IRAG2: variants seen among roughly 807,000 people sequenced by gnomAD.
IRAG2 encodes the protein lymphoid restricted membrane protein.
In IRAG2, 45 loss-of-function variants were observed where a neutral mutation model predicts 69.9. The observed-to-expected ratio is 0.64, with a 90% CI of 0.51 to 0.83. The LOEUF is 0.83. Ranked by LOEUF, IRAG2 falls within the 40% of genes least tolerant of loss-of-function variation. IRAG2 has a pLI of 0.00. For missense variants in IRAG2, 520 were observed against 587.0 expected, an observed-to-expected ratio of 0.89 and a Z score of 1.18; for synonymous variants, 193 against 202.4, an observed-to-expected ratio of 0.95 and a Z score of 0.40.
At chr12:25,073,616 A>ATGTTAATGT (rs1441138813) in intron 6 of IRAG2, among the ~76,000 whole-genome samples, 1 of 152,246 alleles carries the variant, frequency 6.6e-6, no homozygotes, top group Non-Finnish European at 1.5e-5. Flanking sequence ...AAGAACGCTA[A>ATGTTAATGT]CAAGGTTAAT....
At position 25,058,053 on chromosome 12, in the gene IRAG2, A is replaced by G. The variant is rs139061424; in HGVS notation, c.-446-3539A>G. Among the ~76,000 whole-genome samples, 88 of 152,330 alleles carry G rather than the reference A, an allele frequency of 5.8e-4. No homozygotes were observed. In the East Asian group the frequency reaches 9.0e-3, roughly 16 times the overall value. On this transcript the variant is annotated intron_variant, in intron 1 of 21. Transcript: ENST00000556887. ...GTTACGACGGACAAAGCTGCTATGA[A>G]CGTCTGTGTACAAGTCTTTGTGTGC...
chr12:25,057,512 G>C (rs1181917524), intron 1 of IRAG2, among the ~76,000 whole-genome samples: 2 of 152,040 alleles, frequency 1.3e-5, no homozygotes, highest in African/African-American at 4.8e-5. Flanking sequence ...TCCTGCCTCA[G>C]CCTCCCAAAG....
At chr12:25,074,415 C>T (rs11047813) in intron 6 of IRAG2, among the ~76,000 whole-genome samples, 37,426 of 152,024 alleles carry the variant, frequency 0.25, 5,087 homozygotes, top group Middle Eastern at 0.31. Flanking sequence ...CAGGCCTCAC[C>T]GACTAGTGGC....
At chr12:25,076,509 C>CT (rs1565561401) in intron 6 of IRAG2, 3 of 984,804 alleles carry the variant, frequency 3.0e-6, no homozygotes. Context: ...CTAATTAGAC[C>CT]TTTTTTTGAA....
intron 10 of IRAG2, chr12:25,032,019 C>T (rs1311029626): frequency 2.5e-6 from 1 of 394,734 alleles, no homozygotes. Context: ...AATAGTGAGA[C>T]TGGTAGAATC....
At chr12:25,090,306 C>A in intron 14 of IRAG2, 109 bp downstream of exon 14, 1 of 1,003,738 alleles carries the variant, frequency 1.0e-6, no homozygotes, top group South Asian at 1.6e-5. Context: ...TCATGGGAGA[C>A]CAAGGCAGGA....
At chr12:25,104,736 A>G (rs183441643) in intron 20 of IRAG2, among the ~76,000 whole-genome samples, 6 of 152,270 alleles carry the variant, frequency 3.9e-5, no homozygotes, top group African/African-American at 1.4e-4. Flanking sequence ...TTTCCTGTCC[A>G]GGTGTCTGTC....
chr12:25,102,466 T>C, intron 17 of IRAG2: 1 of 512,652 alleles, frequency 2.0e-6, no homozygotes, highest in Non-Finnish European at 3.5e-6. Flanking sequence ...GGTTTCTCTC[T>C]GTTGTGTAAA....
chr12:25,016,973 A>G (rs1320277923), intron 5 of IRAG2, among the ~76,000 whole-genome samples: 2 of 152,038 alleles, frequency 1.3e-5, no homozygotes, highest in African/African-American at 4.8e-5. Context: ...ATAGCTATTT[A>G]TTATATACAT....
At chr12:25,103,792 A>C (rs758071763) in intron 17 of IRAG2, 45 bp from the exon 18 acceptor site, 3 of 1,378,240 alleles carry the variant, frequency 2.2e-6, no homozygotes, top group East Asian at 4.6e-5. Context: ...TATAATGATA[A>C]ATTATTGAGA....
At chr12:25,106,024 GTCAA>G (rs906404712) in intron 20 of IRAG2, among the ~76,000 whole-genome samples, 1 of 152,014 alleles carries the variant, frequency 6.6e-6, no homozygotes, top group African/African-American at 2.4e-5. Flanking sequence ...TTAAAATGCA[GTCAA>G]TCAATTGCTA....
At chr12:24,998,332 A>G in the IRAG2 span, among the ~76,000 whole-genome samples, 2 of 152,218 alleles carry the variant, frequency 1.3e-5, no homozygotes, top group Non-Finnish European at 2.9e-5. Context: ...AAGGTTGCGG[A>G]TGACAGACTT....
upstream of IRAG2, among the ~76,000 whole-genome samples, chr12:25,051,311 C>T (rs1297054638): frequency 6.6e-6 from 1 of 152,148 alleles, no homozygotes; most frequent in East Asian, 1.9e-4. Context: ...CTCATGTGGT[C>T]CTTCGTGTAA....
intron 14 of IRAG2, among the ~76,000 whole-genome samples, chr12:25,095,473 C>A (rs1404469641): frequency 6.6e-6 from 1 of 151,996 alleles, no homozygotes; most frequent in Non-Finnish European, 1.5e-5. Flanking sequence ...TTAAACCACC[C>A]TAACATTATA....
Position 25,079,162 on chromosome 12 carries a change from T to C in IRAG2, c.25-82T>C, listed in dbSNP as rs1417828080. ...AAATATGGGTTCATTTAGAATTGTA[T>C]GAAAATGTTTGCTTAAAACAACCTC... On this transcript the variant is annotated intron_variant, in intron 6 of 21. Transcript: ENST00000556887. The C allele has an allele frequency of 2.2e-6, 3 of 1,368,452 alleles. No homozygotes were observed. In the African/African-American group the frequency reaches 4.3e-5, roughly 20 times the overall value. The allele number at this position is 1,368,452 out of a possible 1,614,324, so 84.8% of individuals were successfully genotyped here.
chr12:25,009,421 T>G (rs1944457759), intron 2 of IRAG2, among the ~76,000 whole-genome samples: 1 of 152,242 alleles, frequency 6.6e-6, no homozygotes, highest in African/African-American at 2.4e-5. Flanking sequence ...GGGGCTTATT[T>G]GTTCCCAGAG....
chr12:25,011,031 T>C (rs859144), intron 2 of IRAG2, among the ~76,000 whole-genome samples: 146,469 of 152,300 alleles, frequency 0.96, 70,707 homozygotes, highest in East Asian at 1. Context: ...TCACCTCCCA[T>C]GAGAAATTAT....
intron 12 of IRAG2, chr12:25,032,440 T>G (rs1944675116): frequency 2.5e-6 from 1 of 398,728 alleles, no homozygotes; most frequent in Non-Finnish European, 4.4e-6. Flanking sequence ...CCAATTGAGC[T>G]TTGTATGTGC....
At chr12:25,027,455 T>C (rs10842448) in intron 9 of IRAG2, among the ~76,000 whole-genome samples, 48,463 of 149,288 alleles carry the variant, frequency 0.32, 8,436 homozygotes, top group Admixed American at 0.47. Context: ...AGTGCAGTGG[T>C]GCAATCTTGG....
Sources: gnomAD v4.1 joint callset for allele counts (sites outside exome capture counted in the v4.1 genomes callset) on GRCh38, gnomAD v4.1.1 for gene constraint, MANE v1.5 for transcripts, NCBI Gene and HGNC (gene_info 2026-07-23, HGNC 2026-07-21) for gene names.